The following ANKS1B variants were observed in gnomAD, a reference collection of about 807,000 sequenced individuals.
ANKS1B encodes ankyrin repeat and sterile alpha motif domain-containing protein 1B.
A neutral mutation model predicts 148.3 loss-of-function variants in ANKS1B; 36 were observed. The ratio of observed to expected loss-of-function variants is 0.24; its 90% CI spans 0.19 to 0.32. The LOEUF (loss-of-function observed/expected upper bound fraction) is 0.32. Ranked by LOEUF, ANKS1B falls within the 10% of genes least tolerant of loss-of-function variation. ANKS1B has a pLI of 1.00. For synonymous variants in ANKS1B, 542 were observed against 560.8 expected (o/e 0.97, Z 0.47); for missense variants, 1,157 against 1,542.6 (o/e 0.75, Z 4.19).
At chr12:99,324,446 T>G (rs2085918360) in intron 12 of ANKS1B, among the ~76,000 whole-genome samples, 1 of 152,122 alleles carries the variant, frequency 6.6e-6, no homozygotes, top group African/African-American at 2.4e-5. Flanking sequence ...CTTTCCAGCA[T>G]CACGACCCTC....
At chr12:99,426,090 CAG>C (rs2095249472) in intron 11 of ANKS1B, among the ~76,000 whole-genome samples, 2 of 152,154 alleles carry the variant, frequency 1.3e-5, no homozygotes, top group South Asian at 4.2e-4. Context: ...ACTGTTGTGA[CAG>C]AAGAAAGTGA....
intron 11 of ANKS1B, among the ~76,000 whole-genome samples, chr12:99,417,808 A>G (rs974379774): frequency 6.6e-6 from 1 of 152,212 alleles, no homozygotes; most frequent in African/African-American, 2.4e-5. Flanking sequence ...ATTAAAGACG[A>G]AGAAAAAATT....
Position 99,761,065 on chromosome 12 carries a change from C to CAAAAAAAAAAAAAAA in ANKS1B, c.1128+11842_1128+11856dup, listed in dbSNP as rs60542272. Among the ~76,000 whole-genome samples, 3 of 98,696 alleles carry CAAAAAAAAAAAAAAA rather than the reference C, an allele frequency of 3.0e-5. 1 individual carries two copies. The highest frequency in any genetic ancestry group is 3.9e-5 in the African/African-American group (1 of 25,674). The allele number at this position is 98,696 out of a possible 152,430, so 64.7% of individuals were successfully genotyped here. On this transcript the variant is annotated intron_variant, in intron 8 of 26. Transcript: ENST00000683438. The stretch of plus-strand genomic sequence containing the variant: ...AATCAGTAATAAAAAGCCTAACAAC[C>CAAAAAAAAAAAAAAA]AAAAAAAAAAAAAAAAAACCCTGGA...
At chr12:99,478,547 G>A (rs2096362649) in intron 10 of ANKS1B, among the ~76,000 whole-genome samples, 1 of 152,056 alleles carries the variant, frequency 6.6e-6, no homozygotes. Flanking sequence ...CATCGGGTAT[G>A]CAACAGAAAG....
intron 8 of ANKS1B, among the ~76,000 whole-genome samples, chr12:99,705,374 A>G (rs1329474890): frequency 1.3e-5 from 2 of 152,074 alleles, no homozygotes; most frequent in Non-Finnish European, 2.9e-5. Flanking sequence ...AAACAGCCCT[A>G]AGAACTTCCC....
intron 8 of ANKS1B, among the ~76,000 whole-genome samples, chr12:99,765,957 A>T (rs1325582412): frequency 6.6e-6 from 1 of 152,170 alleles, no homozygotes; most frequent in Non-Finnish European, 1.5e-5. Flanking sequence ...TTGTACAACC[A>T]AATCTGTAGG....
intron 10 of ANKS1B, among the ~76,000 whole-genome samples, chr12:99,470,303 C>T (rs1002739192): frequency 2.0e-5 from 3 of 152,034 alleles, no homozygotes; most frequent in African/African-American, 7.2e-5. Flanking sequence ...AATTCTTGTT[C>T]ATTATACAAT....
chr12:99,111,203 C>A (rs576005534), intron 15 of ANKS1B, among the ~76,000 whole-genome samples: 4 of 152,228 alleles, frequency 2.6e-5, no homozygotes, highest in South Asian at 4.1e-4. Context: ...TCTGCCTCCA[C>A]GAAATTTACT....
chr12:99,260,158 T>C (rs989440042), intron 12 of ANKS1B, among the ~76,000 whole-genome samples: 1 of 152,186 alleles, frequency 6.6e-6, no homozygotes, highest in African/African-American at 2.4e-5. Flanking sequence ...CCCATTTATA[T>C]ACTATCCCAA....
chr12:98,829,919 T>A lies in ANKS1B; in HGVS notation c.2887-566A>T, dbSNP rs916040135. On this transcript the variant is annotated intron_variant, in intron 18 of 26. Transcript: ENST00000683438. The surrounding 1 kb of genome is among the most constrained non-coding windows in gnomAD (Gnocchi z 5.2). ...CAAGGGAAACGGGTCAGGAGGAAGA[T>A]AGGGGGCATAGACAGCTCAGCTCTA... Among the ~76,000 whole-genome samples the A allele has an allele frequency of 6.6e-6, 1 of 152,090 alleles. No homozygotes were observed. Among genetic ancestry groups the A allele is most frequent in the Admixed American group, 6.5e-5 (1 of 15,272 alleles).
chr12:98,736,093 C>T (rs113095874), intron 9 of ANKS1B, among the ~76,000 whole-genome samples: 4 of 152,228 alleles, frequency 2.6e-5, no homozygotes, highest in Non-Finnish European at 2.9e-5. Context: ...GGGGTAGCAC[C>T]GGAGGCTGCC....
intron 17 of ANKS1B, among the ~76,000 whole-genome samples, chr12:98,857,992 T>C (rs1240833744): frequency 6.6e-6 from 1 of 152,248 alleles, no homozygotes; most frequent in Non-Finnish European, 1.5e-5. Context: ...TGTTAAAATA[T>C]TTCATAGCTG....
chr12:99,723,404 C>G (rs1229756444), intron 8 of ANKS1B, among the ~76,000 whole-genome samples: 1 of 152,272 alleles, frequency 6.6e-6, no homozygotes, highest in East Asian at 1.9e-4. Context: ...CTCTTCAGGC[C>G]TGACACTGAC....
chr12:99,434,769 G>A (rs1158227404), intron 11 of ANKS1B, among the ~76,000 whole-genome samples: 1 of 151,880 alleles, frequency 6.6e-6, no homozygotes, highest in Non-Finnish European at 1.5e-5. Context: ...AGGGGTACAT[G>A]TGCATCTATG....
chr12:99,684,300 A>G (rs935084020), intron 8 of ANKS1B, among the ~76,000 whole-genome samples: 1 of 151,042 alleles, frequency 6.6e-6, no homozygotes, highest in Non-Finnish European at 1.5e-5. Flanking sequence ...AATCAGTAGC[A>G]CTGCTATACA....
At chr12:99,656,548 A>C (rs2098450687) in intron 8 of ANKS1B, among the ~76,000 whole-genome samples, 1 of 152,146 alleles carries the variant, frequency 6.6e-6, no homozygotes, top group African/African-American at 2.4e-5. Context: ...AGTAAGAAAA[A>C]TCTGAGAAAA....
intron 1 of ANKS1B, among the ~76,000 whole-genome samples, chr12:99,905,010 G>A (rs1028958514): frequency 1.3e-5 from 2 of 152,126 alleles, no homozygotes; most frequent in Non-Finnish European, 2.9e-5. Flanking sequence ...ACTTAAAGTG[G>A]ACTTTTAATA....
chr12:98,830,200 G>A (rs1292347446), intron 18 of ANKS1B, among the ~76,000 whole-genome samples: 4 of 152,018 alleles, frequency 2.6e-5, no homozygotes, highest in Admixed American at 6.5e-5. Context: ...TACACTGATG[G>A]TGCTTATATC....
At chr12:99,085,130 T>A in intron 15 of ANKS1B, 107 bp from the exon 16 acceptor site, 1 of 877,008 alleles carries the variant, frequency 1.1e-6, no homozygotes, top group Non-Finnish European at 1.8e-6. Context: ...CTGATTTTTA[T>A]GAACAAAGAC....
Sources: allele counts gnomAD v4.1 joint callset (sites outside exome capture counted in the v4.1 genomes callset), GRCh38; gene constraint gnomAD v4.1.1; non-coding constraint Gnocchi (gnomAD v3.1); transcripts MANE v1.5; gene names NCBI Gene and HGNC (gene_info 2026-07-23, HGNC 2026-07-21).